COL27A1: variants seen among roughly 807,000 people sequenced by gnomAD.
COL27A1 encodes the protein collagen type XXVII alpha 1 chain, also known as collagen alpha-1(XXVII) chain.
COL27A1 carries 106 observed loss-of-function variants against 251.3 expected under a neutral mutation model. The ratio of observed to expected loss-of-function variants is 0.42; its 90% CI spans 0.36 to 0.50. COL27A1 has a LOEUF of 0.50. Among genes scored for constraint, COL27A1 ranks in the 20% least tolerant of loss-of-function variants. The pLI is 0.00. For missense variants in COL27A1, 2,325 were observed against 2,522.8 expected (o/e 0.92, Z 1.68); for synonymous variants, 1,000 against 986.3 (o/e 1.01, Z -0.26).
chr9:114,289,146 ACCCCT>A, intron 44 of COL27A1, 91 bp from the exon 45 acceptor site: 48 of 1,126,942 alleles, frequency 4.3e-5, no homozygotes, highest in Non-Finnish European at 5.9e-5. Context: ...GCACCCCCAA[ACCCCT>A]CCCCACCCCT....
Position 114,167,682 on chromosome 9 carries a change from C to G in COL27A1, c.134-7C>G, listed in dbSNP as rs754485502. ...CTGCGTCCTCTCCCCTTTTCCCTCCCTCTCAGATGTGGACATCCTCCAGCG... is the reference window on the plus strand; with the variant it reads ...CTGCGTCCTCTCCCCTTTTCCCTCCGTCTCAGATGTGGACATCCTCCAGCG... On this transcript the variant is annotated splice_polypyrimidine_tract_variant and splice_region_variant and intron_variant, in intron 2 of 60. Transcript: ENST00000356083. 9.4e-6 allele frequency: 15 copies of G among 1,602,474 alleles called. No individual in the cohort carries two copies. The South Asian group carries it at 1.7e-4, about 18-fold the overall frequency.
At chr9:114,205,597 T>C (rs1829897097) in intron 8 of COL27A1, among the ~76,000 whole-genome samples, 162 bp from the exon 9 acceptor site, 1 of 152,200 alleles carries the variant, frequency 6.6e-6, no homozygotes, top group Non-Finnish European at 1.5e-5. Context: ...TCTGACCGGT[T>C]TCACAGAGGG....
At chr9:114,254,952 G>A (rs931728085) in intron 27 of COL27A1, among the ~76,000 whole-genome samples, 2 of 152,194 alleles carry the variant, frequency 1.3e-5, no homozygotes, top group Admixed American at 6.5e-5. Context: ...GAGGTAGAGG[G>A]GTGGACTAGT....
chr9:114,264,276 G>A (rs1834563994), intron 28 of COL27A1, 79 bp from the exon 29 acceptor site: 11 of 1,189,710 alleles, frequency 9.2e-6, no homozygotes, highest in African/African-American at 1.6e-5. Context: ...CCCAGGCTTG[G>A]AGCAGCCCCG....
At chr9:114,254,933 G>C (rs1833822048) in intron 27 of COL27A1, among the ~76,000 whole-genome samples, 1 of 152,208 alleles carries the variant, frequency 6.6e-6, no homozygotes, top group African/African-American at 2.4e-5. Flanking sequence ...GGCCATGCCA[G>C]GGGCCGAGGA....
chr9:114,213,588 A>G (rs919208862), intron 12 of COL27A1, among the ~76,000 whole-genome samples: 1 of 152,262 alleles, frequency 6.6e-6, no homozygotes, highest in Non-Finnish European at 1.5e-5. Flanking sequence ...TTTTAAGGGT[A>G]GAGACAATCA....
chr9:114,166,249 A>G (rs941843083), intron 2 of COL27A1, among the ~76,000 whole-genome samples: 7 of 146,716 alleles, frequency 4.8e-5, no homozygotes, highest in Non-Finnish European at 9.0e-5. Flanking sequence ...TTATCCATCC[A>G]TCCATCTGTC....
At chr9:114,200,186 C>T (rs539024952) in intron 7 of COL27A1, among the ~76,000 whole-genome samples, 61 of 152,332 alleles carry the variant, frequency 4.0e-4, no homozygotes, top group African/African-American at 1.4e-3. Flanking sequence ...ACCCCCAATT[C>T]CATAGAGTTC....
chr9:114,270,774 GGCTGAAGGTA>G lies in COL27A1; in HGVS notation c.3603_3609+3del. 1 of 1,612,664 alleles carries G rather than the reference GGCTGAAGGTA, an allele frequency of 6.2e-7. No homozygotes were observed. The highest frequency in any genetic ancestry group is 8.5e-7 in the Non-Finnish European group (1 of 1,179,250). On this transcript the variant is annotated splice_donor_variant and splice_donor_region_variant and coding_sequence_variant and intron_variant, in exon 36 of 61. Transcript: ENST00000356083. LOFTEE classifies it high-confidence loss of function. ...GACAGTGGCCCCATGGGACCTGATG[GGCTGAAGGTA>G]AGTGCCCTTTTAGGGCAGGGCCTGG...
At chr9:114,201,807 G>A (rs922675664) in intron 7 of COL27A1, among the ~76,000 whole-genome samples, 6 of 152,158 alleles carry the variant, frequency 3.9e-5, no homozygotes, top group African/African-American at 1.4e-4. Context: ...TCCCAGGGAG[G>A]CGCATCTATA....
At chr9:114,240,192 G>A in intron 19 of COL27A1, 28 bp from the exon 20 acceptor site, 5 of 1,607,730 alleles carry the variant, frequency 3.1e-6, no homozygotes, top group Non-Finnish European at 4.3e-6. Flanking sequence ...AGCCCCCGTG[G>A]GTGACCCTGC....
intron 59 of COL27A1, 26 bp from the exon 60 acceptor site, chr9:114,309,234 C>T (rs200888353): frequency 8.1e-6 from 13 of 1,605,026 alleles, no homozygotes; most frequent in Admixed American, 5.0e-5. Context: ...CAGCCTGAGC[C>T]GCTCACTGCC....
In COL27A1 at chr9:114,301,116, G is replaced by C. The variant is rs73656040; in HGVS notation, c.4746G>C (p.Ser1582=). ...GGCCCCTCGGAATCCTGGGACCTTC[G>C]GGACTCCCGGTATGTGTGGGGATTG... is the stretch of plus-strand genomic sequence containing the variant. ...IVGPLGILGP[S]GLPGPKGDKG... Residue 1582 remains serine (S), a synonymous_variant, in exon 52 of 61, where the codon TCG becomes TCC. Transcript: ENST00000356083. 5 of 1,613,304 alleles carry C rather than the reference G, an allele frequency of 3.1e-6. No homozygotes were observed. Among genetic ancestry groups the C allele is most frequent in the African/African-American group, 2.7e-5 (2 of 74,916 alleles).
intron 5 of COL27A1, among the ~76,000 whole-genome samples, chr9:114,190,159 C>A (rs1828653916): frequency 6.6e-6 from 1 of 152,226 alleles, no homozygotes; most frequent in South Asian, 2.1e-4. Flanking sequence ...CACTCATTTG[C>A]TCATTTGTGA....
chr9:114,244,862 C>T (rs756096669), intron 23 of COL27A1, among the ~76,000 whole-genome samples: 60 of 152,272 alleles, frequency 3.9e-4, no homozygotes, highest in Middle Eastern at 6.8e-3. Context: ...TGCTGTGGGC[C>T]TGAGGAGCAG....
intron 57 of COL27A1, 32 bp downstream of exon 57, chr9:114,304,705 C>T: frequency 6.3e-7 from 1 of 1,599,100 alleles, no homozygotes; most frequent in Non-Finnish European, 8.6e-7. Flanking sequence ...ATGTGGGATC[C>T]CTTCCTGGGA....
chr9:114,260,329 C>T (rs923602), intron 28 of COL27A1, among the ~76,000 whole-genome samples: 43,275 of 152,110 alleles, frequency 0.28, 7,353 homozygotes, highest in African/African-American at 0.47. Context: ...GTCAGGAATG[C>T]ACAACCTATG....
intron 14 of COL27A1, among the ~76,000 whole-genome samples, chr9:114,226,700 T>C (rs1448427246): frequency 6.6e-6 from 1 of 152,242 alleles, no homozygotes; most frequent in African/African-American, 2.4e-5. Context: ...TCAAAGGCAG[T>C]CCTCAGAGGG....
chr9:114,208,662 GC>G (rs1428996586), intron 10 of COL27A1, among the ~76,000 whole-genome samples: 2 of 152,068 alleles, frequency 1.3e-5, no homozygotes, highest in African/African-American at 4.8e-5. Context: ...CGAGGTTACT[GC>G]CCTTTAGAAG....
Sources: gnomAD v4.1 joint callset for allele counts (sites outside exome capture counted in the v4.1 genomes callset) on GRCh38, gnomAD v4.1.1 for gene constraint, MANE v1.5 for transcripts, NCBI Gene and HGNC (gene_info 2026-07-23, HGNC 2026-07-21) for gene names.